The following RSBN1 variants were observed in gnomAD, a reference collection of about 807,000 sequenced individuals.
RSBN1 encodes the protein round spermatid basic protein 1, also known as lysine-specific demethylase 9.
In RSBN1, 23 loss-of-function variants were observed where a neutral mutation model predicts 74.8. The observed-to-expected ratio is 0.31, with a 90% CI of 0.22 to 0.44. RSBN1 has a LOEUF of 0.44. Among genes scored for constraint, RSBN1 ranks in the 20% least tolerant of loss-of-function variants. RSBN1 has a pLI of 1.00. For missense variants in RSBN1, 808 were observed against 1,020.9 expected (o/e 0.79, Z 2.84); for synonymous variants, 407 against 379.6 (o/e 1.07, Z -0.84).
rs1477376024 is a variant in RSBN1 at position 113,767,131 on chromosome 1, G to T, written c.1903C>A (p.Gln635Lys). ...EDFTDVVQRL[Q>K]LDLHEPPVSQ... ...ACTGGAGGTTCATGAAGATCTAACT[G>T]AAGTCTTTGTACAACATCAGTAAAA... is the stretch of plus-strand genomic sequence containing the variant. The change falls in exon 6 of 7, where the codon CAG (glutamine) becomes AAG (lysine). Residue 635 changes from glutamine (Q) to lysine (K), a missense_variant. Transcript: ENST00000261441. The T allele has an allele frequency of 6.2e-7, 1 of 1,609,608 alleles. No individual in the cohort carries two copies. Among genetic ancestry groups the T allele is most frequent in the African/African-American group, 1.3e-5 (1 of 74,832 alleles).
intron 5 of RSBN1, 97 bp from the exon 6 acceptor site, chr1:113,767,304 C>A: frequency 3.2e-6 from 2 of 623,254 alleles, no homozygotes; most frequent in Admixed American, 3.1e-5. Flanking sequence ...CTTCTACCAG[C>A]AGAGAAATAG....
intron 4 of RSBN1, among the ~76,000 whole-genome samples, chr1:113,776,506 TCAAGC>T (rs969349222): frequency 6.6e-6 from 1 of 152,092 alleles, no homozygotes; most frequent in Non-Finnish European, 1.5e-5. Flanking sequence ...TGTGCCCAGC[TCAAGC>T]TAAGTTTTGA....
At chr1:113,768,854 T>C (rs1179592925) in intron 4 of RSBN1, among the ~76,000 whole-genome samples, 1 of 151,958 alleles carries the variant, frequency 6.6e-6, no homozygotes, top group Non-Finnish European at 1.5e-5. Context: ...CACTAGATAC[T>C]GACCATTTGC....
chr1:113,776,594 C>T (rs946452374), intron 4 of RSBN1, among the ~76,000 whole-genome samples: 3 of 151,970 alleles, frequency 2.0e-5, no homozygotes, highest in East Asian at 1.9e-4. Context: ...TCATTTGAGG[C>T]CAGGAGTTCA....
chr1:113,801,461 C>T (rs1217379), intron 1 of RSBN1, among the ~76,000 whole-genome samples: 86,210 of 151,974 alleles, frequency 0.57, 25,295 homozygotes, highest in African/African-American at 0.66. Flanking sequence ...AACAAGTTAT[C>T]AAAGGTTATT....
intron 4 of RSBN1, among the ~76,000 whole-genome samples, chr1:113,771,709 A>G (rs532175449): frequency 6.6e-6 from 1 of 151,528 alleles, no homozygotes; most frequent in African/African-American, 2.4e-5. Flanking sequence ...CTCTAACCCT[A>G]TAAGCAGTAA....
intron 1 of RSBN1, among the ~76,000 whole-genome samples, chr1:113,807,707 G>A (rs552430507): frequency 2.0e-5 from 3 of 151,766 alleles, no homozygotes; most frequent in Admixed American, 2.0e-4. Context: ...GTTGCAGTGA[G>A]CCGAGATTGC....
chr1:113,791,299 A>G (rs1450629125), intron 2 of RSBN1, among the ~76,000 whole-genome samples: 1 of 152,226 alleles, frequency 6.6e-6, no homozygotes, highest in African/African-American at 2.4e-5. Flanking sequence ...TTAAACAATT[A>G]TCTTTGAATA....
In RSBN1 at chr1:113,812,437, T is replaced by C. The variant is rs772962425; in HGVS notation, c.-25A>G. On this transcript the variant is annotated 5_prime_UTR_variant, in exon 1 of 7. Transcript: ENST00000261441. Reference sequence around the variant, plus strand: ...TGCCGGAAGCGGCCGTTCCCAGCTTTTCTCCGCAGGCCTCTCCAACCGAGC... The same window carrying C: ...TGCCGGAAGCGGCCGTTCCCAGCTTCTCTCCGCAGGCCTCTCCAACCGAGC... 1.3e-6 allele frequency: 2 copies of C among 1,565,544 alleles called. No individual in the cohort carries two copies. The highest frequency in any genetic ancestry group is 1.7e-6 in the Non-Finnish European group (2 of 1,162,682).
At chr1:113,790,056 T>C (rs1461972089) in intron 2 of RSBN1, among the ~76,000 whole-genome samples, 2 of 151,892 alleles carry the variant, frequency 1.3e-5, no homozygotes, top group Non-Finnish European at 2.9e-5. Flanking sequence ...AGAATAAAGA[T>C]TTACTTCTAG....
chr1:113,791,079 A>T (rs756816970), intron 2 of RSBN1, among the ~76,000 whole-genome samples: 4 of 152,174 alleles, frequency 2.6e-5, no homozygotes, highest in Admixed American at 6.6e-5. Flanking sequence ...GGAGGACTGG[A>T]GGGAGGTAAG....
chr1:113,811,942 A>G lies in RSBN1; in HGVS notation c.471T>C (p.Ala157=). 1 of 1,597,118 alleles carries G rather than the reference A, an allele frequency of 6.3e-7. No individual in the cohort carries two copies. The highest frequency in any genetic ancestry group is 8.5e-7 in the Non-Finnish European group (1 of 1,171,148). Reference sequence around the variant, plus strand: ...TTGGGGCCGGGAGAGGGGCAGCGACAGCGGGCCCGGCGGGTGCCAGCGAAG... The same window carrying G: ...TTGGGGCCGGGAGAGGGGCAGCGACGGCGGGCCCGGCGGGTGCCAGCGAAG... ...PPPSLAPAGP[A]VAAPLPAPST... is the part of the protein sequence containing the mutation. Residue 157 remains alanine, a synonymous_variant, in exon 1 of 7, where the codon GCT becomes GCC. Coordinates refer to ENST00000261441, the MANE Select transcript of RSBN1 (RefSeq NM_018364.5).
chr1:113,794,968 T>TA (rs375467307), intron 2 of RSBN1, among the ~76,000 whole-genome samples: 1 of 152,182 alleles, frequency 6.6e-6, no homozygotes, highest in African/African-American at 2.4e-5. Flanking sequence ...TCTAAAGCAA[T>TA]AAAAAATTTA....
chr1:113,786,845 G>A (rs1415195069), intron 2 of RSBN1, among the ~76,000 whole-genome samples: 1 of 152,124 alleles, frequency 6.6e-6, no homozygotes, highest in Non-Finnish European at 1.5e-5. Context: ...GTGGTGGTGA[G>A]TGCCTGTAGT....
chr1:113,783,881 T>C (rs1257314675), intron 2 of RSBN1, among the ~76,000 whole-genome samples: 1 of 152,226 alleles, frequency 6.6e-6, no homozygotes, highest in Non-Finnish European at 1.5e-5. Context: ...GACAAACTTT[T>C]GTTCTAGCCA....
intron 1 of RSBN1, among the ~76,000 whole-genome samples, chr1:113,808,835 G>A (rs1450914097): frequency 6.6e-6 from 1 of 152,182 alleles, no homozygotes; most frequent in Admixed American, 6.5e-5. Flanking sequence ...TAAAGGGTTT[G>A]TGGTGGTGGA....
intron 2 of RSBN1, among the ~76,000 whole-genome samples, chr1:113,788,718 G>T (rs1660306654): frequency 6.6e-6 from 1 of 152,142 alleles, no homozygotes; most frequent in Non-Finnish European, 1.5e-5. Flanking sequence ...TTGAGCTACT[G>T]AATTCAGGCA....
chr1:113,806,127 G>A (rs989227706), intron 1 of RSBN1, among the ~76,000 whole-genome samples: 17 of 152,030 alleles, frequency 1.1e-4, no homozygotes, highest in African/African-American at 3.9e-4. Flanking sequence ...CCTGAGGTCA[G>A]GAGTTTGAGA....
At position 113,765,884 on chromosome 1, in the gene RSBN1, G is replaced by T; in HGVS notation, c.*96C>A. On this transcript the variant is annotated 3_prime_UTR_variant, in exon 7 of 7. Transcript: ENST00000261441. ...TTTCTCTTTATAGAATTATAGGCAA[G>T]ATTTCTCCAATAAAACTTAACTTAA... 1 of 842,588 alleles carries T rather than the reference G, an allele frequency of 1.2e-6. No homozygotes were observed. The allele number at this position is 842,588 out of a possible 1,614,324, so 52.2% of individuals were successfully genotyped here. A position where few individuals can be genotyped will look rare whatever the true frequency, so the allele number is the denominator to read the frequency against.
Sources: gnomAD v4.1 joint callset for allele counts (sites outside exome capture counted in the v4.1 genomes callset) on GRCh38, gnomAD v4.1.1 for gene constraint, MANE v1.5 for transcripts, NCBI Gene and HGNC (gene_info 2026-07-23, HGNC 2026-07-21) for gene names.